MYO10: variants seen among roughly 807,000 people sequenced by gnomAD.
The protein encoded by MYO10 is myosin X, also known as unconventional myosin-X.
MYO10 carries 133 observed loss-of-function variants against 257.3 expected under a neutral mutation model. The observed-to-expected ratio is 0.52, with a 90% CI of 0.45 to 0.60. MYO10 has a LOEUF of 0.60. Among genes scored for constraint, MYO10 ranks in the 20% least tolerant of loss-of-function variants. The probability of loss-of-function intolerance (pLI) is 0.00; values close to 1 mark genes in which losing one functional copy is unlikely to be tolerated. For missense variants in MYO10, 2,399 were observed against 2,635.7 expected, an observed-to-expected ratio of 0.91 and a Z score of 1.97; for synonymous variants, 1,104 against 1,028.6, an observed-to-expected ratio of 1.07 and a Z score of -1.40.
intron 2 of MYO10, among the ~76,000 whole-genome samples, chr5:16,858,026 A>G (rs1744007975): frequency 6.6e-6 from 1 of 152,222 alleles, no homozygotes; most frequent in Admixed American, 6.5e-5. Flanking sequence ...CTGACGGTCC[A>G]TACGTGAAGC....
chr5:16,718,959 C>T (rs1223956998), intron 19 of MYO10, among the ~76,000 whole-genome samples: 1 of 152,200 alleles, frequency 6.6e-6, no homozygotes, highest in East Asian at 1.9e-4. Context: ...TCGGCTCTAC[C>T]AATCAGCAGG....
chr5:16,821,762 G>A (rs1254815462), intron 2 of MYO10, among the ~76,000 whole-genome samples: 3 of 151,884 alleles, frequency 2.0e-5, no homozygotes, highest in African/African-American at 2.4e-5. Context: ...CACCGCGCCC[G>A]GCCCCTTTCC....
chr5:16,761,519 C>G lies in MYO10; in HGVS notation c.1684G>C (p.Glu562Gln). The G allele has an allele frequency of 6.2e-7, 1 of 1,612,758 alleles. No individual in the cohort carries two copies. The highest frequency in any genetic ancestry group is 8.5e-7 in the Non-Finnish European group (1 of 1,179,402). Residue 562 changes from glutamate to glutamine, a missense_variant, in exon 17 of 41, where the codon GAG becomes CAG. Glu to Gln is a conservative substitution (Grantham distance 29). Transcript: ENST00000513610. The part of the protein sequence containing the change: ...EVQYDVRGIL[E>Q]KNRDTFRDDL... ...TCTCGAAATGTATCTCTGTTCTTCT[C>G]CAAGATACCTCGGACATCATATTGC...
intron 33 of MYO10, among the ~76,000 whole-genome samples, chr5:16,676,671 A>C (rs1488410422): frequency 6.6e-6 from 1 of 152,132 alleles, no homozygotes; most frequent in African/African-American, 2.4e-5. Flanking sequence ...AGCCAAGATC[A>C]TGCCACGGCA....
chr5:16,674,623 ATT>A (rs1222990319), intron 35 of MYO10, among the ~76,000 whole-genome samples: 3 of 149,972 alleles, frequency 2.0e-5, no homozygotes, highest in Non-Finnish European at 4.4e-5. Context: ...TGTCCTATAC[ATT>A]AGGACATTAC....
intron 9 of MYO10, 107 bp from the exon 10 acceptor site, chr5:16,769,310 G>T: frequency 1.0e-5 from 13 of 1,247,442 alleles, no homozygotes; most frequent in Non-Finnish European, 1.4e-5. Flanking sequence ...AAAAGGCAAA[G>T]AAACAAAAAA....
In MYO10 at chr5:16,711,195, T is replaced by A; in HGVS notation, c.1980A>T (p.Ser660=). The A allele has an allele frequency of 6.2e-7, 1 of 1,613,328 alleles. No individual in the cohort carries two copies. ...GGATTCTCACAGTCTCCAGCATCCC[T>A]GAGTACCGCAGCTGGTTCAGCACAA... ...QAVVLNQLRY[S]GMLETVRIRK... is the part of the protein sequence containing the mutation. Residue 660 remains serine, a synonymous_variant, in exon 20 of 41, where the codon TCA becomes TCT. Transcript: ENST00000513610.
intron 30 of MYO10, 122 bp from the exon 31 acceptor site, chr5:16,682,135 C>G: frequency 8.6e-7 from 1 of 1,156,818 alleles, no homozygotes; most frequent in Non-Finnish European, 1.2e-6. Flanking sequence ...CACTGCTAGG[C>G]TATCTGTGCT....
intron 19 of MYO10, among the ~76,000 whole-genome samples, chr5:16,723,750 G>C (rs539804355): frequency 3.0e-4 from 45 of 152,270 alleles, no homozygotes; most frequent in African/African-American, 1.1e-3. Flanking sequence ...AAGAAACTAC[G>C]GTATATCCAT....
intron 37 of MYO10, 101 bp from the exon 38 acceptor site, chr5:16,671,643 A>G: frequency 1.4e-6 from 2 of 1,422,266 alleles, no homozygotes; most frequent in Non-Finnish European, 9.7e-7. Context: ...GGACACAGAC[A>G]TTCTGTCCGG....
chr5:16,670,885 A>G lies in MYO10; in HGVS notation c.5524T>C (p.Tyr1842His). 1.9e-6 allele frequency: 3 copies of G among 1,613,926 alleles called. No individual in the cohort carries two copies. Among genetic ancestry groups the G allele is most frequent in the Non-Finnish European group, 2.5e-6 (3 of 1,179,846 alleles). The stretch of plus-strand genomic sequence containing the variant: ...GGTGGGATGGCAGCGTGCAGAGTAT[A>G]ATCCCCCTGCAGATACTGGAGTCGC... ...ALRLQYLQGD[Y>H]TLHAAIPPLE... Residue 1842 changes from tyrosine to histidine, a missense_variant, in exon 39 of 41, where the codon TAT (tyrosine) becomes CAT (histidine). Around this residue, in one of 3 missense-constraint regions of MYO10, gnomAD observed 1,820 missense variants for 1,939.4 expected, o/e 0.94. Transcript: ENST00000513610.
chr5:16,893,775 T>A (rs2560850), intron 1 of MYO10, among the ~76,000 whole-genome samples: 88,560 of 151,776 alleles, frequency 0.58, 26,590 homozygotes, highest in African/African-American at 0.73. Context: ...AATAAATAAA[T>A]AAGTGGGGGC....
chr5:16,803,136 T>A (rs1250454100), intron 3 of MYO10, among the ~76,000 whole-genome samples: 1 of 150,788 alleles, frequency 6.6e-6, no homozygotes, highest in Admixed American at 6.6e-5. Flanking sequence ...AAATTAAATT[T>A]AAAAAAAGGC....
intron 3 of MYO10, among the ~76,000 whole-genome samples, chr5:16,806,756 T>C (rs566466599): frequency 1.7e-4 from 26 of 152,132 alleles, no homozygotes; most frequent in African/African-American, 5.5e-4. Context: ...ACAATCCCAA[T>C]GCAGAAATAA....
intron 28 of MYO10, among the ~76,000 whole-genome samples, chr5:16,686,070 G>A (rs934822376): frequency 2.0e-5 from 3 of 152,102 alleles, no homozygotes; most frequent in Non-Finnish European, 2.9e-5. Context: ...GTCAATGGAC[G>A]GCCTTTTCTC....
At chr5:16,860,750 C>G (rs1198958133) in intron 2 of MYO10, among the ~76,000 whole-genome samples, 1 of 147,324 alleles carries the variant, frequency 6.8e-6, no homozygotes, top group Non-Finnish European at 1.5e-5. Context: ...CCGTGATGAA[C>G]GATGGGTGGG....
intron 40 of MYO10, among the ~76,000 whole-genome samples, 198 bp downstream of exon 40, chr5:16,668,079 T>C (rs2126451242): frequency 6.6e-6 from 1 of 152,222 alleles, no homozygotes; most frequent in East Asian, 1.9e-4. Flanking sequence ...TGCAAAAGTA[T>C]ACAAAAAAAA....
At chr5:16,839,992 G>A (rs1309150261) in intron 2 of MYO10, among the ~76,000 whole-genome samples, 2 of 152,172 alleles carry the variant, frequency 1.3e-5, no homozygotes, top group African/African-American at 4.8e-5. Flanking sequence ...GAAAAGTAAG[G>A]AAGAAAGTGA....
chr5:16,845,150 A>G (rs1046381042), intron 2 of MYO10, among the ~76,000 whole-genome samples: 1 of 152,158 alleles, frequency 6.6e-6, no homozygotes, highest in Non-Finnish European at 1.5e-5. Context: ...CACGGCCCAG[A>G]GATTATACCT....
Sources: allele counts gnomAD v4.1 joint callset (sites outside exome capture counted in the v4.1 genomes callset), GRCh38; gene constraint gnomAD v4.1.1; regional missense constraint gnomAD v4.1.1; transcripts MANE v1.5; gene names NCBI Gene and HGNC (gene_info 2026-07-23, HGNC 2026-07-21).